The following PATZ1 variants were observed in gnomAD, a reference collection of about 807,000 sequenced individuals.
PATZ1 encodes POZ-, AT hook-, and zinc finger-containing protein 1.
Under a neutral mutation model 46.2 loss-of-function variants are expected in PATZ1, and 9 were observed. That is an observed-to-expected ratio of 0.19 (90% CI 0.12 to 0.34). The LOEUF (loss-of-function observed/expected upper bound fraction) is 0.34. Ranked by LOEUF, PATZ1 falls within the 10% of genes least tolerant of loss-of-function variation. The probability of loss-of-function intolerance (pLI) is 1.00; values close to 1 mark genes in which losing one functional copy is unlikely to be tolerated. For synonymous variants in PATZ1, 426 were observed against 378.6 expected, an observed-to-expected ratio of 1.13 and a Z score of -1.45; for missense variants, 632 against 923.0, an observed-to-expected ratio of 0.68 and a Z score of 4.08.
rs752255777 is a variant in PATZ1, at chr22:31,345,555, T to C, written c.48A>G (p.Thr16=). The change falls in exon 1 of 5, where the codon ACA becomes ACG. Residue 16 remains threonine (T), a synonymous_variant. Coordinates refer to ENST00000266269, the MANE Select transcript of PATZ1 (RefSeq NM_014323.3). The surrounding 1 kb of genome is among the most constrained non-coding windows in gnomAD (Gnocchi z 7.4). ...DASCGPSGCY[T]YQVSRHSTEM... is the part of the protein sequence containing the mutation. ...CCGTGCTGTGTCTGCTCACCTGGTATGTGTAGCAGCCAGACGGGCCGCACG... is the reference window on the plus strand; with the variant it reads ...CCGTGCTGTGTCTGCTCACCTGGTACGTGTAGCAGCCAGACGGGCCGCACG... The C allele has an allele frequency of 1.2e-6, 2 of 1,608,746 alleles. No homozygotes were observed. The highest frequency in any genetic ancestry group is 1.1e-5 in the South Asian group (1 of 90,964).
intron 1 of PATZ1, 168 bp from the exon 2 acceptor site, chr22:31,343,128 C>A (rs1185945067): frequency 2.6e-5 from 35 of 1,368,036 alleles, no homozygotes; most frequent in South Asian, 8.3e-5. Context: ...TCTGGCTCCA[C>A]AGGCCCAGGC....
intron 3 of PATZ1, among the ~76,000 whole-genome samples, chr22:31,331,578 G>A (rs942064438): frequency 5.3e-5 from 8 of 151,934 alleles, no homozygotes; most frequent in South Asian, 2.1e-4. Context: ...TCCTGACTTC[G>A]CGATCCACCC....
chr22:31,329,648 C>G (rs140074), intron 3 of PATZ1, among the ~76,000 whole-genome samples: 83,518 of 151,998 alleles, frequency 0.55, 23,736 homozygotes, highest in East Asian at 0.94. Flanking sequence ...AGAAGAAACA[C>G]GGATGATCTC....
At chr22:31,330,280 T>C (rs946898576) in intron 3 of PATZ1, among the ~76,000 whole-genome samples, 2 of 135,274 alleles carry the variant, frequency 1.5e-5, no homozygotes, top group African/African-American at 2.6e-5. Flanking sequence ...ATTACTATTA[T>C]ACCCATTTTA....
chr22:31,333,399 G>A (rs2049467753), intron 3 of PATZ1, among the ~76,000 whole-genome samples: 1 of 151,936 alleles, frequency 6.6e-6, no homozygotes, highest in Admixed American at 6.6e-5. Context: ...GCAGGGCAAA[G>A]GAGGACACAG....
intron 2 of PATZ1, among the ~76,000 whole-genome samples, chr22:31,336,377 GA>G (rs1188951342): frequency 6.6e-6 from 1 of 152,192 alleles, no homozygotes; most frequent in Admixed American, 6.5e-5. Context: ...AAATGGAAAG[GA>G]AAGGCAGGAC....
chr22:31,327,655 C>T lies in PATZ1; in HGVS notation c.1646-346G>A, dbSNP rs776477071. On this transcript the variant is annotated intron_variant, in intron 4 of 4. Coordinates refer to ENST00000266269, the MANE Select transcript of PATZ1 (RefSeq NM_014323.3). This position sits in a 1 kb window ranked among gnomAD's most constrained non-coding sequence, Gnocchi z 4.2. Reference sequence around the variant, plus strand: ...AACTCAAAGACCCCCAACTCCTAGGCGCTCTTTTGGGTGCCTCTGAGGGTA... The same window carrying T: ...AACTCAAAGACCCCCAACTCCTAGGTGCTCTTTTGGGTGCCTCTGAGGGTA... Among the ~76,000 whole-genome samples, 31 of 152,162 alleles carry T rather than the reference C, an allele frequency of 2.0e-4. No individual in the cohort carries two copies. The highest frequency in any genetic ancestry group is 4.0e-4 in the Non-Finnish European group (27 of 68,030).
In PATZ1 at chr22:31,328,872, A is replaced by AAT. The variant is rs760367647; in HGVS notation, c.1559_1560insAT (p.Pro521PhefsTer14). Reference sequence around the variant, plus strand: ...GGTGCCTGGAGACCTGGGGAAGGGGAACACCGTGGTGGGTTTTAACATGGA... The same window carrying AAT: ...GGTGCCTGGAGACCTGGGGAAGGGGAATACACCGTGGTGGGTTTTAACATGGA... On this transcript the variant is annotated frameshift_variant, in exon 4 of 5. Coordinates refer to ENST00000266269, the MANE Select transcript of PATZ1 (RefSeq NM_014323.3). LOFTEE classifies it high-confidence loss of function. This position sits in a 1 kb window ranked among gnomAD's most constrained non-coding sequence, Gnocchi z 4.8. The AAT allele has an allele frequency of 6.2e-7, 1 of 1,614,002 alleles. No individual in the cohort carries two copies. Among genetic ancestry groups the AAT allele is most frequent in the Non-Finnish European group, 8.5e-7 (1 of 1,179,914 alleles).
At position 31,346,282 on chromosome 22, in the gene PATZ1, GGCGGCGGCGGAGCGGCGGCTGT is replaced by G. The variant is rs1045424568; in HGVS notation, c.-702_-681del. ...TAGGCCCTTCCTCAGGCCGGGAGAAGGCGGCGGCGGAGCGGCGGCTGTGCGGCCCCGGGCTCCGTGTGTTCGG... is the reference window on the plus strand; with the variant it reads ...TAGGCCCTTCCTCAGGCCGGGAGAAGGCGGCCCCGGGCTCCGTGTGTTCGG... On this transcript the variant is annotated 5_prime_UTR_variant, in exon 1 of 5. Coordinates refer to ENST00000266269, the MANE Select transcript of PATZ1 (RefSeq NM_014323.3). 7 of 155,286 alleles carry G rather than the reference GGCGGCGGCGGAGCGGCGGCTGT, an allele frequency of 4.5e-5. No homozygotes were observed. The allele number at this position is 155,286 out of a possible 1,614,324, so 9.6% of individuals were successfully genotyped here.
chr22:31,331,707 A>C (rs992121967), intron 3 of PATZ1, among the ~76,000 whole-genome samples: 15 of 152,192 alleles, frequency 9.9e-5, no homozygotes, highest in Admixed American at 9.8e-4. Flanking sequence ...CCTGTGATGA[A>C]CCAGAGCAGG....
At chr22:31,343,081 C>G (rs990643953) in intron 1 of PATZ1, 121 bp from the exon 2 acceptor site, 8 of 1,493,712 alleles carry the variant, frequency 5.4e-6, no homozygotes, top group African/African-American at 1.4e-5. Flanking sequence ...TCCCTCTCCC[C>G]AACCCCAGCA....
rs561958818 is a variant in PATZ1 at position 31,328,666 on chromosome 22, C to G, written c.1645+121G>C. On this transcript the variant is annotated intron_variant, in intron 4 of 4. Coordinates refer to ENST00000266269, the MANE Select transcript of PATZ1 (RefSeq NM_014323.3). The surrounding 1 kb of genome is among the most constrained non-coding windows in gnomAD (Gnocchi z 4.8). ...TCCTGGAGGCCACTGCCACTCAGAT[C>G]TCTGAGTCTCCTCAAGGCAGCCAGA... 8.6e-5 allele frequency: 73 copies of G among 847,130 alleles called. No homozygotes were observed. Among genetic ancestry groups the G allele is most frequent in the Non-Finnish European group, 1.3e-4 (68 of 512,356 alleles). The allele number at this position is 847,130 out of a possible 1,614,324, so 52.5% of individuals were successfully genotyped here.
Position 31,345,648 on chromosome 22 carries a change from C to T in PATZ1, c.-46G>A. The T allele has an allele frequency of 6.6e-7, 1 of 1,509,954 alleles. No individual in the cohort carries two copies. The highest frequency in any genetic ancestry group is 8.9e-7 in the Non-Finnish European group (1 of 1,120,702). The allele number at this position is 1,509,954 out of a possible 1,614,324, so 93.5% of individuals were successfully genotyped here. ...AGCCCGGCCGCTGCACCTGCCCGCC[C>T]CCTCCCTTCCCCTCAGCAGCGAGAA... On this transcript the variant is annotated 5_prime_UTR_variant, in exon 1 of 5. Coordinates refer to ENST00000266269, the MANE Select transcript of PATZ1 (RefSeq NM_014323.3). The surrounding 1 kb of genome is among the most constrained non-coding windows in gnomAD (Gnocchi z 7.4).
intron 1 of PATZ1, chr22:31,343,253 A>G (rs972569007): frequency 8.7e-6 from 10 of 1,152,252 alleles, no homozygotes; most frequent in Non-Finnish European, 1.1e-5. Flanking sequence ...CTAGGACCAG[A>G]GGCGGTGGCA....
intron 2 of PATZ1, among the ~76,000 whole-genome samples, chr22:31,338,834 G>T (rs929459652): frequency 6.6e-6 from 1 of 152,162 alleles, no homozygotes; most frequent in Non-Finnish European, 1.5e-5. Context: ...GGATCACAAT[G>T]TCAGAAGTTT....
intron 2 of PATZ1, among the ~76,000 whole-genome samples, chr22:31,338,864 TGGTGAA>T (rs2049545047): frequency 6.6e-6 from 1 of 152,110 alleles, no homozygotes; most frequent in Admixed American, 6.6e-5. Flanking sequence ...CTGGCCAATA[TGGTGAA>T]ACCCCGTCTC....
Position 31,338,211 on chromosome 22 carries a change from C to T in PATZ1, c.1336-2348G>A, listed in dbSNP as rs556140054. Among the ~76,000 whole-genome samples the T allele has an allele frequency of 8.5e-5, 13 of 152,284 alleles. 1 individual carries two copies. The South Asian group carries it at 2.5e-3, about 29-fold the overall frequency. ...ATCCTCCTGGACACCCTGGGGGATT[C>T]TGATCTCTCCCAGTTTACAGCTGGG... On this transcript the variant is annotated intron_variant, in intron 2 of 4. Coordinates refer to ENST00000266269, the MANE Select transcript of PATZ1 (RefSeq NM_014323.3).
chr22:31,342,827 G>A, intron 2 of PATZ1, 70 bp downstream of exon 2: 1 of 1,549,184 alleles, frequency 6.5e-7, no homozygotes, highest in Non-Finnish European at 8.9e-7. Flanking sequence ...CGCAGCGGCT[G>A]GCTCAAGGCT....
At position 31,335,819 on chromosome 22, in the gene PATZ1, G is replaced by A; in HGVS notation, c.1380C>T (p.His460=). 6.2e-7 allele frequency: 1 copy of A among 1,614,146 alleles called. No individual in the cohort carries two copies. Among genetic ancestry groups the A allele is most frequent in the East Asian group, 2.2e-5 (1 of 44,882 alleles). The change falls in exon 3 of 5, where the codon CAC becomes CAT. Residue 460 remains histidine, a synonymous_variant. Transcript: ENST00000266269. Reference sequence around the variant, plus strand: ...GCACCTTGTCTTCATGACAGGCCAGGTGGGAGCGCAGACGGTCTCGGGTGG... The same window carrying A: ...GCACCTTGTCTTCATGACAGGCCAGATGGGAGCGCAGACGGTCTCGGGTGG... ...SFATRDRLRS[H]LACHEDKVPC... is the part of the protein sequence containing the mutation.
Sources: allele counts gnomAD v4.1 joint callset (sites outside exome capture counted in the v4.1 genomes callset), GRCh38; gene constraint gnomAD v4.1.1; non-coding constraint Gnocchi (gnomAD v3.1); transcripts MANE v1.5; gene names NCBI Gene and HGNC (gene_info 2026-07-23, HGNC 2026-07-21).